The following OGFOD3 variants were observed in gnomAD, a reference collection of about 807,000 sequenced individuals.
OGFOD3 encodes the protein 2-oxoglutarate and iron dependent oxygenase domain containing 3.
OGFOD3 carries 35 observed loss-of-function variants against 39.8 expected under a neutral mutation model. The observed-to-expected ratio is 0.88, with a 90% CI of 0.67 to 1.17. The LOEUF is 1.17. OGFOD3 is among the 50% of genes most tolerant of loss of function. OGFOD3 has a pLI of 0.00. For missense variants in OGFOD3, 438 were observed against 454.5 expected (o/e 0.96, Z 0.33); for synonymous variants, 200 against 192.0 (o/e 1.04, Z -0.34).
chr17:82,411,623 G>C lies in OGFOD3; in HGVS notation c.305-93C>G, dbSNP rs548745168. 1.0e-3 allele frequency: 942 copies of C among 921,596 alleles called. 5 individuals are homozygous for C. In the African/African-American group the frequency reaches 0.014, roughly 14 times the overall value. 57.1% of individuals were successfully genotyped at this position (921,596 alleles called of 1,614,324 possible). On this transcript the variant is annotated intron_variant, in intron 2 of 8. Transcript: ENST00000313056. ...AGGGCCAGAACTGGCTAATACGCCC[G>C]GTCAAATGTGAATTTCAGACACACA... is the stretch of plus-strand genomic sequence containing the variant.
At chr17:82,417,622 A>AT (rs1446886294) in intron 1 of OGFOD3, among the ~76,000 whole-genome samples, 1 of 151,392 alleles carries the variant, frequency 6.6e-6, no homozygotes, top group Non-Finnish European at 1.5e-5. Context: ...CTGTCTCAAA[A>AT]AAAAAAAAAA....
In OGFOD3 at chr17:82,415,330, C is replaced by T; in HGVS notation, c.304+68G>A. 6.8e-7 allele frequency: 1 copy of T among 1,472,976 alleles called. No individual in the cohort carries two copies. Among genetic ancestry groups the T allele is most frequent in the South Asian group, 1.2e-5 (1 of 81,448 alleles). 91.2% of individuals were successfully genotyped at this position (1,472,976 alleles called of 1,614,324 possible). ...TACCACATCCAACCCAATTCCCACCCCTTCGTCGCAGCCAATGTCCTTTAA... is the reference window on the plus strand; with the variant it reads ...TACCACATCCAACCCAATTCCCACCTCTTCGTCGCAGCCAATGTCCTTTAA... On this transcript the variant is annotated intron_variant, in intron 2 of 8. Coordinates refer to ENST00000313056, the MANE Select transcript of OGFOD3 (RefSeq NM_024648.3). The surrounding 1 kb of genome is among the most constrained non-coding windows in gnomAD (Gnocchi z 5.3).
In OGFOD3 at chr17:82,390,664, C is replaced by A; in HGVS notation, c.*1734G>T. On this transcript the variant is annotated 3_prime_UTR_variant, in exon 9 of 9. Transcript: ENST00000313056. This position sits in a 1 kb window ranked among gnomAD's most constrained non-coding sequence, Gnocchi z 4.9. ...ATCCCACGCCGTCCTCCGCATGTGG[C>A]CCGTGGTGCAGGAGGGGCCCTGGGC... 5.5e-6 allele frequency: 1 copy of A among 183,328 alleles called. No individual in the cohort carries two copies. Among genetic ancestry groups the A allele is most frequent in the South Asian group, 7.1e-5 (1 of 14,162 alleles). The allele number at this position is 183,328 out of a possible 1,614,324, so 11.4% of individuals were successfully genotyped here.
At chr17:82,412,193 C>T (rs2052958781) in intron 2 of OGFOD3, among the ~76,000 whole-genome samples, 1 of 152,212 alleles carries the variant, frequency 6.6e-6, no homozygotes, top group East Asian at 1.9e-4. Context: ...CTGCTCCGCA[C>T]ATGCCCCTGT....
Position 82,390,667 on chromosome 17 carries a change from G to A in OGFOD3, c.*1731C>T, listed in dbSNP as rs1033420352. 7 of 182,372 alleles carry A rather than the reference G, an allele frequency of 3.8e-5. No homozygotes were observed. Among genetic ancestry groups the A allele is most frequent in the Non-Finnish European group, 5.9e-5 (5 of 84,518 alleles). The allele number at this position is 182,372 out of a possible 1,614,324, so 11.3% of individuals were successfully genotyped here. On this transcript the variant is annotated 3_prime_UTR_variant, in exon 9 of 9. Coordinates refer to ENST00000313056, the MANE Select transcript of OGFOD3 (RefSeq NM_024648.3). This position sits in a 1 kb window ranked among gnomAD's most constrained non-coding sequence, Gnocchi z 4.9. Reference sequence around the variant, plus strand: ...CCACGCCGTCCTCCGCATGTGGCCCGTGGTGCAGGAGGGGCCCTGGGCAAA... The same window carrying A: ...CCACGCCGTCCTCCGCATGTGGCCCATGGTGCAGGAGGGGCCCTGGGCAAA...
intron 7 of OGFOD3, among the ~76,000 whole-genome samples, chr17:82,399,364 C>T (rs2052727087): frequency 6.6e-6 from 1 of 152,182 alleles, no homozygotes; most frequent in Non-Finnish European, 1.5e-5. Flanking sequence ...GTGCCAGCCT[C>T]GCTGCCCACA....
At chr17:82,395,359 T>C (rs1434559693) in intron 8 of OGFOD3, among the ~76,000 whole-genome samples, 1 of 152,198 alleles carries the variant, frequency 6.6e-6, no homozygotes, top group Non-Finnish European at 1.5e-5. Flanking sequence ...CCATTTCTTT[T>C]CACTGTAATA....
In OGFOD3 at chr17:82,399,402, C is replaced by T. The variant is rs542640491; in HGVS notation, c.700-1083G>A. On this transcript the variant is annotated intron_variant, in intron 7 of 8. Transcript: ENST00000313056. ...TGGGAACCAGAGGCAGCGGTGGACG[C>T]GCTTTTCTCCTTTCTTCAGAAGTGG... Among the ~76,000 whole-genome samples the T allele has an allele frequency of 3.9e-5, 6 of 152,308 alleles. No individual in the cohort carries two copies. In the East Asian group the frequency reaches 7.7e-4, roughly 20 times the overall value.
At position 82,418,520 on chromosome 17, in the gene OGFOD3, G is replaced by T. The variant is rs1214230415; in HGVS notation, c.-35C>A. ...CCGCCGCGGAGCCGGGCCGGACGCGGGCGCCAGGCCCGGGGACGAACGCCG... is the reference window on the plus strand; with the variant it reads ...CCGCCGCGGAGCCGGGCCGGACGCGTGCGCCAGGCCCGGGGACGAACGCCG... On this transcript the variant is annotated 5_prime_UTR_variant, in exon 1 of 9. Transcript: ENST00000313056. The T allele has an allele frequency of 7.9e-7, 1 of 1,270,212 alleles. No individual in the cohort carries two copies. The highest frequency in any genetic ancestry group is 1.6e-5 in the African/African-American group (1 of 63,456). The allele number at this position is 1,270,212 out of a possible 1,614,324, so 78.7% of individuals were successfully genotyped here.
In OGFOD3 at chr17:82,415,031, C is replaced by T. The variant is rs143417575; in HGVS notation, c.304+367G>A. On this transcript the variant is annotated intron_variant, in intron 2 of 8. Transcript: ENST00000313056. The surrounding 1 kb of genome is among the most constrained non-coding windows in gnomAD (Gnocchi z 5.3). Reference sequence around the variant, plus strand: ...GGAGCGGGGGAGGGGAGCTGGGGCACAGGACGGCAGAAGGGCTGCTGGTCG... The same window carrying T: ...GGAGCGGGGGAGGGGAGCTGGGGCATAGGACGGCAGAAGGGCTGCTGGTCG... 3.8e-3 allele frequency among the ~76,000 whole-genome samples: 575 copies of T among 152,344 alleles called. 7 individuals are homozygous for T. Among genetic ancestry groups the T allele is most frequent in the African/African-American group, 0.013 (550 of 41,580 alleles).
Position 82,404,286 on chromosome 17 carries a change from C to A in OGFOD3, c.546-196G>T, listed in dbSNP as rs1452066830. 6.6e-6 allele frequency among the ~76,000 whole-genome samples: 1 copy of A among 152,190 alleles called. No homozygotes were observed. Among genetic ancestry groups the A allele is most frequent in the Non-Finnish European group, 1.5e-5 (1 of 68,028 alleles). On this transcript the variant is annotated intron_variant, in intron 6 of 8. Coordinates refer to ENST00000313056, the MANE Select transcript of OGFOD3 (RefSeq NM_024648.3). This position sits in a 1 kb window ranked among gnomAD's most constrained non-coding sequence, Gnocchi z 4.5. ...GGCCCACAGCCCACGCACAGAGCAG[C>A]CAGAGGCAGGCGCAAGACCACAGCA...
intron 8 of OGFOD3, chr17:82,394,411 G>A (rs1567864512): frequency 1.2e-6 from 2 of 1,611,594 alleles, no homozygotes; most frequent in Non-Finnish European, 8.5e-7. Context: ...AATCGCATGT[G>A]TCTCTCCCCT....
chr17:82,409,609 T>G (rs2052912186), intron 3 of OGFOD3, among the ~76,000 whole-genome samples, 199 bp from the exon 4 acceptor site: 1 of 152,246 alleles, frequency 6.6e-6, no homozygotes, highest in East Asian at 1.9e-4. Context: ...ATCGTTGTCT[T>G]GTCAATATTT....
rs11413297 is a variant in OGFOD3 at position 82,417,618 on chromosome 17, C to CAAAAAAAA, written c.74+786_74+793dup. ...TGGGCAACAGAGCGAGCCTCTGTCTCAAAAAAAAAAAAAAAAATTATAGCT... is the reference window on the plus strand; with the variant it reads ...TGGGCAACAGAGCGAGCCTCTGTCTCAAAAAAAAAAAAAAAAAAAAAAAAATTATAGCT... On this transcript the variant is annotated intron_variant, in intron 1 of 8. Coordinates refer to ENST00000313056, the MANE Select transcript of OGFOD3 (RefSeq NM_024648.3). Among the ~76,000 whole-genome samples, 277 of 127,550 alleles carry CAAAAAAAA rather than the reference C, an allele frequency of 2.2e-3. 1 individual carries two copies. The highest frequency in any genetic ancestry group is 8.0e-3 in the African/African-American group (263 of 32,956). The allele number at this position is 127,550 out of a possible 152,430, so 83.7% of individuals were successfully genotyped here. A position where few individuals can be genotyped will look rare whatever the true frequency, so the allele number is the denominator to read the frequency against.
chr17:82,399,547 T>G (rs2052730379), intron 7 of OGFOD3, among the ~76,000 whole-genome samples: 1 of 152,238 alleles, frequency 6.6e-6, no homozygotes, highest in Non-Finnish European at 1.5e-5. Flanking sequence ...TCCAATGTTG[T>G]GCAGCCACCG....
In OGFOD3 at chr17:82,403,963, C is replaced by T. The variant is rs1284163275; in HGVS notation, c.673G>A (p.Glu225Lys). The T allele has an allele frequency of 1.2e-6, 2 of 1,607,140 alleles. No homozygotes were observed. Among genetic ancestry groups the T allele is most frequent in the Non-Finnish European group, 1.7e-6 (2 of 1,177,682 alleles). Residue 225 changes from glutamate (E) to lysine (K), a missense_variant, in exon 7 of 9, where the codon GAG (glutamate) becomes AAG (lysine). Glu to Lys is a moderately conservative substitution (Grantham distance 56, BLOSUM62 1). Coordinates refer to ENST00000313056, the MANE Select transcript of OGFOD3 (RefSeq NM_024648.3). ...TTGTCCACGTGCGCATGCCAGTACT[C>T]GTCGTGCGCCGTCCGCGCTTCCGTG... ...NSTEARTAHDEYWHAHVDKVT... is the reference protein window; with the variant it reads ...NSTEARTAHDKYWHAHVDKVT...
chr17:82,417,807 T>A (rs979872282), intron 1 of OGFOD3, among the ~76,000 whole-genome samples: 2 of 152,114 alleles, frequency 1.3e-5, no homozygotes, highest in Admixed American at 1.3e-4. Flanking sequence ...ACGACTTCAA[T>A]GTGCAAATCG....
At chr17:82,411,067 G>A (rs972209334) in intron 3 of OGFOD3, among the ~76,000 whole-genome samples, 1 of 144,492 alleles carries the variant, frequency 6.9e-6, no homozygotes, top group Non-Finnish European at 1.5e-5. Flanking sequence ...TTTTTTTGGA[G>A]ATAGAATCTC....
chr17:82,391,596 C>G lies in OGFOD3; in HGVS notation c.*802G>C, dbSNP rs778437702. On this transcript the variant is annotated 3_prime_UTR_variant, in exon 9 of 9. Coordinates refer to ENST00000313056, the MANE Select transcript of OGFOD3 (RefSeq NM_024648.3). The surrounding 1 kb of genome is among the most constrained non-coding windows in gnomAD (Gnocchi z 5.1). The stretch of plus-strand genomic sequence containing the variant: ...TCGGCCTCCCGCAGTGCTGAGATTA[C>G]AGGTGTGAGCCACCGCGCCCAGCCT... The G allele has an allele frequency of 1.3e-5, 2 of 152,566 alleles. No individual in the cohort carries two copies. Among genetic ancestry groups the G allele is most frequent in the Non-Finnish European group, 2.9e-5 (2 of 68,330 alleles). 9.5% of individuals were successfully genotyped at this position (152,566 alleles called of 1,614,324 possible).
Sources: gnomAD v4.1 joint callset for allele counts (sites outside exome capture counted in the v4.1 genomes callset) on GRCh38, gnomAD v4.1.1 for gene constraint, Gnocchi (gnomAD v3.1) non-coding constraint, MANE v1.5 for transcripts, NCBI Gene and HGNC (gene_info 2026-07-23, HGNC 2026-07-21) for gene names.